Variants in ANO9 observed in about 807,000 individuals in gnomAD.
ANO9 encodes anoctamin 9, also known as anoctamin-9.
Under a neutral mutation model 100.5 loss-of-function variants are expected in ANO9, and 80 were observed. That is an observed-to-expected ratio of 0.80 (90% CI 0.66 to 0.96). The LOEUF is 0.96. Ranked by LOEUF, ANO9 falls within the 40% of genes least tolerant of loss-of-function variation. ANO9 has a pLI of 0.00. For synonymous variants in ANO9, 473 were observed against 435.6 expected, an observed-to-expected ratio of 1.09 and a Z score of -1.07; for missense variants, 1,064 against 1,072.7, an observed-to-expected ratio of 0.99 and a Z score of 0.11.
At chr11:419,791 C>A in intron 19 of ANO9, 62 bp from the exon 20 acceptor site, 1 of 1,581,570 alleles carries the variant, frequency 6.3e-7, no homozygotes, top group Non-Finnish European at 8.6e-7. Flanking sequence ...CTGCCCTCAC[C>A]CCCACCCCCG....
chr11:418,610 G>T, intron 22 of ANO9, 21 bp from the exon 23 acceptor site: 1 of 1,612,148 alleles, frequency 6.2e-7, no homozygotes, highest in Non-Finnish European at 8.5e-7. Flanking sequence ...CACAGGAGAG[G>T]CCCAGCACGG....
chr11:429,702 C>T lies in ANO9; in HGVS notation c.833-50G>A, dbSNP rs542094759. 1.8e-5 allele frequency: 29 copies of T among 1,612,270 alleles called. No individual in the cohort carries two copies. The South Asian group carries it at 2.5e-4, about 14-fold the overall frequency. Reference sequence around the variant, plus strand: ...TCACTGCACTACGCCAGGTGGACCTCGGAGCTTGGGCTGGCACTTCCCCTG... The same window carrying T: ...TCACTGCACTACGCCAGGTGGACCTTGGAGCTTGGGCTGGCACTTCCCCTG... On this transcript the variant is annotated intron_variant, in intron 10 of 22. Transcript: ENST00000332826.
At chr11:437,330 G>A (rs760889292) in intron 1 of ANO9, among the ~76,000 whole-genome samples, 24 of 152,138 alleles carry the variant, frequency 1.6e-4, no homozygotes, top group African/African-American at 3.4e-4. Flanking sequence ...GGCATCCGAC[G>A]CCCCGGTCAC....
At chr11:435,749 G>A (rs1849467773) in intron 1 of ANO9, among the ~76,000 whole-genome samples, 1 of 151,610 alleles carries the variant, frequency 6.6e-6, no homozygotes, top group Non-Finnish European at 1.5e-5. Flanking sequence ...GTATAGTCTA[G>A]TATAGTCTAG....
At position 422,883 on chromosome 11, in the gene ANO9, G is replaced by A. The variant is rs537994096; in HGVS notation, c.1335-1685C>T. 1.3e-3 allele frequency among the ~76,000 whole-genome samples: 203 copies of A among 150,514 alleles called. No individual in the cohort carries two copies. Among genetic ancestry groups the A allele is most frequent in the African/African-American group, 4.7e-3 (193 of 40,824 alleles). On this transcript the variant is annotated intron_variant, in intron 15 of 22. Transcript: ENST00000332826. This position sits in a 1 kb window ranked among gnomAD's most constrained non-coding sequence, Gnocchi z 4.3. Reference sequence around the variant, plus strand: ...CTTGCTCTGTCACCCAGGCTGGAGTGCAATGGCATGATCTTGGCTCACTAC... The same window carrying A: ...CTTGCTCTGTCACCCAGGCTGGAGTACAATGGCATGATCTTGGCTCACTAC...
chr11:426,333 A>C (rs1161820477), intron 15 of ANO9, among the ~76,000 whole-genome samples: 1 of 152,050 alleles, frequency 6.6e-6, no homozygotes, highest in African/African-American at 2.4e-5. Context: ...GCACGTTGGG[A>C]GGCCGAGGCA....
At position 421,650 on chromosome 11, in the gene ANO9, GCA is replaced by G. The variant is rs149618127; in HGVS notation, c.1335-454_1335-453del. ...AGACGAACCGCACCTGCACGTGGGCGCACACACACACACACAGGCAAGGCCAC... is the reference window on the plus strand; with the variant it reads ...AGACGAACCGCACCTGCACGTGGGCGCACACACACACACAGGCAAGGCCAC... On this transcript the variant is annotated intron_variant, in intron 15 of 22. Transcript: ENST00000332826. This position sits in a 1 kb window ranked among gnomAD's most constrained non-coding sequence, Gnocchi z 6.8. 6.7e-6 allele frequency among the ~76,000 whole-genome samples: 1 copy of G among 148,248 alleles called. No individual in the cohort carries two copies. The highest frequency in any genetic ancestry group is 1.5e-5 in the Non-Finnish European group (1 of 66,752).
At chr11:436,268 T>C (rs990662993) in intron 1 of ANO9, among the ~76,000 whole-genome samples, 9 of 152,184 alleles carry the variant, frequency 5.9e-5, no homozygotes, top group Admixed American at 3.3e-4. Flanking sequence ...GGTTTCTCCA[T>C]GTTGGGCAGG....
intron 15 of ANO9, among the ~76,000 whole-genome samples, chr11:426,842 G>A (rs1429362529): frequency 3.9e-5 from 6 of 152,140 alleles, no homozygotes; most frequent in Admixed American, 6.5e-5. Flanking sequence ...AACCCCCTCA[G>A]GAGGACTAGA....
chr11:420,284 C>G, intron 19 of ANO9, 179 bp downstream of exon 19: 1 of 1,436,844 alleles, frequency 7.0e-7, no homozygotes, highest in South Asian at 1.5e-5. Context: ...CCCGCCCACT[C>G]CTGGTACCCT....
In ANO9 at chr11:420,983, C is replaced by G. The variant is rs138183770; in HGVS notation, c.1452G>C (p.Leu484=). ...LFVQMAIIMG[L]KQTLSNCVEY... Reference sequence around the variant, plus strand: ...CGACGCAGTTGCTGAGCGTCTGCTTCAGGCCCATGATGATGGCCATCTGCA... The same window carrying G: ...CGACGCAGTTGCTGAGCGTCTGCTTGAGGCCCATGATGATGGCCATCTGCA... Residue 484 remains leucine (L), a synonymous_variant, in exon 17 of 23, where the codon CTG becomes CTC. Coordinates refer to ENST00000332826, the MANE Select transcript of ANO9 (RefSeq NM_001012302.3). 8.1e-3 allele frequency: 13,072 copies of G among 1,607,606 alleles called. 762 individuals carry two copies. In the Admixed American group the frequency reaches 0.14, roughly 17 times the overall value.
In ANO9 at chr11:432,103, C is replaced by T. The variant is rs1457561455; in HGVS notation, c.351-49G>A. ...CCCGTGTGACCACAGTGGACCCTGC[C>T]TCCAGGTCTCAACCTGCCCTCTGGT... On this transcript the variant is annotated intron_variant, in intron 4 of 22. Transcript: ENST00000332826. The surrounding 1 kb of genome is among the most constrained non-coding windows in gnomAD (Gnocchi z 4.8). 1 of 1,602,266 alleles carries T rather than the reference C, an allele frequency of 6.2e-7. No homozygotes were observed. The highest frequency in any genetic ancestry group is 1.7e-5 in the Admixed American group (1 of 59,632).
chr11:434,494 A>G (rs999904443), intron 1 of ANO9, among the ~76,000 whole-genome samples: 2 of 152,052 alleles, frequency 1.3e-5, no homozygotes, highest in East Asian at 1.9e-4. Flanking sequence ...GCCCCTGCAC[A>G]CTCCCAGTGC....
rs1009758094 is a variant in ANO9 at position 418,124 on chromosome 11, G to C, written c.*247C>G. The C allele has an allele frequency of 1.0e-5, 5 of 486,266 alleles. No individual in the cohort carries two copies. The highest frequency in any genetic ancestry group is 9.8e-5 in the African/African-American group (5 of 51,112). The allele number at this position is 486,266 out of a possible 1,614,324, so 30.1% of individuals were successfully genotyped here. A position where few individuals can be genotyped will look rare whatever the true frequency, so the allele number is the denominator to read the frequency against. On this transcript the variant is annotated 3_prime_UTR_variant, in exon 23 of 23. Coordinates refer to ENST00000332826, the MANE Select transcript of ANO9 (RefSeq NM_001012302.3). ...GCTGCCTGAGGAGCCCTCACTCCCA[G>C]TTCTGTGGGTGCCCAGGGTCACCCA...
rs577103184 is a variant in ANO9, at chr11:420,572, C to T, written c.1677G>A (p.Pro559=). ...TGAAGAGCGCGAGCAGCGGCGCCAG[C>T]GGGAAGGCGGCCACGAAGATGGTGG... ...GFTTIFVAAF[P]LAPLLALFSN... The change falls in exon 19 of 23, where the codon CCG becomes CCA. Residue 559 remains proline, a synonymous_variant. Transcript: ENST00000332826. 6.2e-7 allele frequency: 1 copy of T among 1,605,162 alleles called. No individual in the cohort carries two copies. Among genetic ancestry groups the T allele is most frequent in the South Asian group, 1.1e-5 (1 of 91,024 alleles).
rs75727394 is a variant in ANO9, at chr11:437,050, G to C, written c.7-2952C>G. Among the ~76,000 whole-genome samples, 5 of 105,542 alleles carry C rather than the reference G, an allele frequency of 4.7e-5. No individual in the cohort carries two copies. In the East Asian group the frequency reaches 1.2e-3, roughly 25 times the overall value. 69.2% of individuals were successfully genotyped at this position (105,542 alleles called of 152,430 possible). A position where few individuals can be genotyped will look rare whatever the true frequency, so the allele number is the denominator to read the frequency against. ...CGGGGGGTGAGCGGGGGGTGCGTGG[G>C]GGGTGAGCTGGGGGTGAATGTTCCC... On this transcript the variant is annotated intron_variant, in intron 1 of 22. Transcript: ENST00000332826.
At chr11:419,506 G>C in intron 20 of ANO9, 76 bp downstream of exon 20, 1 of 1,554,294 alleles carries the variant, frequency 6.4e-7, no homozygotes, top group Non-Finnish European at 8.7e-7. Flanking sequence ...CCAGGAGAAA[G>C]GGTCTGGATC....
chr11:429,872 C>CA, intron 9 of ANO9, 54 bp from the exon 10 acceptor site: 1 of 1,306,652 alleles, frequency 7.7e-7, no homozygotes. Flanking sequence ...GGGAGGGGGG[C>CA]AGGTGAGCCA....
At chr11:420,306 T>G in intron 19 of ANO9, 157 bp downstream of exon 19, 1 of 1,451,140 alleles carries the variant, frequency 6.9e-7, no homozygotes, top group East Asian at 2.5e-5. Flanking sequence ...CCACCCAGGC[T>G]CAACCCGCAT....
Sources: allele counts gnomAD v4.1 joint callset (sites outside exome capture counted in the v4.1 genomes callset), GRCh38; gene constraint gnomAD v4.1.1; non-coding constraint Gnocchi (gnomAD v3.1); transcripts MANE v1.5; gene names NCBI Gene and HGNC (gene_info 2026-07-23, HGNC 2026-07-21).